Variants in RBFOX3 observed in about 807,000 individuals in gnomAD.
RBFOX3 encodes RNA binding protein fox-1 homolog 3.
Under a neutral mutation model 48.7 loss-of-function variants are expected in RBFOX3, and 17 were observed. The ratio of observed to expected loss-of-function variants is 0.35; its 90% CI spans 0.24 to 0.52. The LOEUF is 0.52. Among genes scored for constraint, RBFOX3 ranks in the 20% least tolerant of loss-of-function variants. The pLI, the probability that RBFOX3 is intolerant of heterozygous loss-of-function variation, is 0.94. For synonymous variants in RBFOX3, 212 were observed against 209.5 expected (o/e 1.01, Z -0.10); for missense variants, 382 against 497.5 (o/e 0.77, Z 2.21).
chr17:79,289,595 G>A (rs9898469), intron 3 of RBFOX3, among the ~76,000 whole-genome samples: 31,084 of 152,198 alleles, frequency 0.2, 3,265 homozygotes, highest in Middle Eastern at 0.32. Context: ...TTCCAGACAC[G>A]ATGTTAACTC....
chr17:79,559,058 G>A (rs1246099542), intron 1 of RBFOX3, among the ~76,000 whole-genome samples: 1 of 152,134 alleles, frequency 6.6e-6, no homozygotes, highest in African/African-American at 2.4e-5. Flanking sequence ...CTGGTCTCGG[G>A]CCTGGGAACC....
At chr17:79,415,694 G>A (rs754858112) in intron 2 of RBFOX3, among the ~76,000 whole-genome samples, 8 of 152,202 alleles carry the variant, frequency 5.3e-5, no homozygotes, top group South Asian at 4.1e-4. Flanking sequence ...GCAGGTCCTC[G>A]GAGGGAGGGG....
At chr17:79,304,106 T>C (rs916243435) in intron 3 of RBFOX3, among the ~76,000 whole-genome samples, 3 of 152,170 alleles carry the variant, frequency 2.0e-5, no homozygotes, top group African/African-American at 7.2e-5. Flanking sequence ...TAACTCCTGT[T>C]TGGAAAATTA....
In RBFOX3 at chr17:79,610,473, CGCCACCGCCACT is replaced by C. The variant is rs1371059967; in HGVS notation, c.-320+341_-320+352del. ...CCGCCACAGCCACCACCACCGCCAC[CGCCACCGCCACT>C]GCCACCGCCACGCAGCGCGCGGGAC... On this transcript the variant is annotated intron_variant, in intron 1 of 14. Transcript: ENST00000693108. 6.2e-3 allele frequency among the ~76,000 whole-genome samples: 950 copies of C among 152,140 alleles called. 3 individuals are homozygous for C. Among genetic ancestry groups the C allele is most frequent in the Non-Finnish European group, 1.0e-2 (678 of 67,960 alleles).
At chr17:79,460,787 C>T (rs1220878350) in intron 2 of RBFOX3, among the ~76,000 whole-genome samples, 1 of 152,194 alleles carries the variant, frequency 6.6e-6, no homozygotes, top group Non-Finnish European at 1.5e-5. Flanking sequence ...CCACTTTCCA[C>T]CGTGGGAGGA....
intron 1 of RBFOX3, among the ~76,000 whole-genome samples, chr17:79,486,135 A>T (rs1391013529): frequency 1.3e-5 from 2 of 152,170 alleles, no homozygotes; most frequent in Non-Finnish European, 2.9e-5. Flanking sequence ...CCCAGTGACC[A>T]AGTACCCTTG....
At chr17:79,261,534 C>G (rs905630118) in intron 3 of RBFOX3, among the ~76,000 whole-genome samples, 1 of 152,218 alleles carries the variant, frequency 6.6e-6, no homozygotes, top group Non-Finnish European at 1.5e-5. Context: ...CTGTGCGGCT[C>G]TCTCTCCCCG....
chr17:79,436,267 T>A (rs1455903421), intron 2 of RBFOX3, among the ~76,000 whole-genome samples: 1 of 152,208 alleles, frequency 6.6e-6, no homozygotes, highest in East Asian at 1.9e-4. Context: ...TGGCAGCTGC[T>A]CTAAGGCAGT....
At chr17:79,555,519 G>T (rs912494485) in intron 1 of RBFOX3, among the ~76,000 whole-genome samples, 1 of 46,662 alleles carries the variant, frequency 2.1e-5, no homozygotes, top group Non-Finnish European at 4.2e-5. Flanking sequence ...TGATGGTGGT[G>T]GTGATGGTAG....
chr17:79,496,122 G>C (rs113416168), intron 1 of RBFOX3, among the ~76,000 whole-genome samples: 3,297 of 152,152 alleles, frequency 0.022, 143 homozygotes, highest in African/African-American at 0.076. Context: ...CAGAGTTGGG[G>C]ACTGAGAGTC....
At position 79,106,576 on chromosome 17, in the gene RBFOX3, G is replaced by A. The variant is rs1453090549; in HGVS notation, c.360+75C>T. On this transcript the variant is annotated intron_variant, in intron 6 of 14. Transcript: ENST00000693108. ...CCGGGGGAACAGGTGTCGGCAGGAA[G>A]GCAGGGCCTGTGGGCGCCACCCTGG... The A allele has an allele frequency of 2.9e-6, 4 of 1,387,102 alleles. No homozygotes were observed. In the East Asian group the frequency reaches 9.1e-5, roughly 32 times the overall value. The allele number at this position is 1,387,102 out of a possible 1,614,324, so 85.9% of individuals were successfully genotyped here. A position where few individuals can be genotyped will look rare whatever the true frequency, so the allele number is the denominator to read the frequency against.
intron 4 of RBFOX3, chr17:79,136,483 C>T (rs995980742): frequency 6.5e-6 from 1 of 152,684 alleles, no homozygotes; most frequent in African/African-American, 2.4e-5. Context: ...GAAGCACCCC[C>T]CACCGGCCCC....
chr17:79,191,282 C>T (rs2054466941), intron 4 of RBFOX3, among the ~76,000 whole-genome samples: 1 of 152,172 alleles, frequency 6.6e-6, no homozygotes, highest in East Asian at 1.9e-4. Context: ...CCCGGGGGTA[C>T]CCCGCACCCC....
intron 1 of RBFOX3, among the ~76,000 whole-genome samples, chr17:79,551,518 G>A (rs2091147734): frequency 7.9e-6 from 1 of 126,930 alleles, no homozygotes. Context: ...TAGGTGGATG[G>A]GTGGATGGAT....
chr17:79,573,475 G>A (rs1258117871), intron 1 of RBFOX3, among the ~76,000 whole-genome samples: 1 of 152,084 alleles, frequency 6.6e-6, no homozygotes, highest in Non-Finnish European at 1.5e-5. Context: ...CGGAGCCCAC[G>A]GCCCTGGAGA....
chr17:79,128,697 G>A (rs1053208220), intron 4 of RBFOX3, among the ~76,000 whole-genome samples: 5 of 152,210 alleles, frequency 3.3e-5, no homozygotes, highest in Non-Finnish European at 7.3e-5. Flanking sequence ...AAGCCTGGGA[G>A]CCGGGGCTGC....
intron 4 of RBFOX3, among the ~76,000 whole-genome samples, chr17:79,227,012 G>A (rs1364740004): frequency 6.6e-6 from 1 of 152,198 alleles, no homozygotes; most frequent in African/African-American, 2.4e-5. Context: ...ATCTGCAGAA[G>A]CAGCAGAAGG....
chr17:79,661,064 G>A, the RBFOX3 span, among the ~76,000 whole-genome samples: 1 of 152,156 alleles, frequency 6.6e-6, no homozygotes, highest in South Asian at 2.1e-4. Context: ...TTATAAGTAG[G>A]AGCTGAATGA....
rs965009489 is a variant in RBFOX3 at position 79,581,234 on chromosome 17, C to T, written c.-320+29592G>A. ...CTGCACTCCAGCCTGGGCGACAGAG[C>T]GAGACTCCATCTCAAAACAAAACAA... On this transcript the variant is annotated intron_variant, in intron 1 of 14. Transcript: ENST00000693108. Among the ~76,000 whole-genome samples the T allele has an allele frequency of 2.8e-3, 419 of 152,106 alleles. 1 individual carries two copies. Among genetic ancestry groups the T allele is most frequent in the African/African-American group, 9.2e-3 (380 of 41,472 alleles).
Sources: allele counts gnomAD v4.1 joint callset (sites outside exome capture counted in the v4.1 genomes callset), GRCh38; gene constraint gnomAD v4.1.1; transcripts MANE v1.5; gene names NCBI Gene and HGNC (gene_info 2026-07-23, HGNC 2026-07-21).